TPST2: variants seen among roughly 807,000 people sequenced by gnomAD.
TPST2 encodes the protein tyrosylprotein sulfotransferase 2.
TPST2 carries 16 observed loss-of-function variants against 27.8 expected under a neutral mutation model. The ratio of observed to expected loss-of-function variants is 0.58; its 90% CI spans 0.39 to 0.88. The LOEUF is 0.88. Ranked by LOEUF, TPST2 falls within the 40% of genes least tolerant of loss-of-function variation. The probability of loss-of-function intolerance (pLI) is 0.00; values close to 1 mark genes in which losing one functional copy is unlikely to be tolerated. For synonymous variants in TPST2, 229 were observed against 231.7 expected (o/e 0.99, Z 0.10); for missense variants, 464 against 543.1 (o/e 0.85, Z 1.45).
intron 1 of TPST2, among the ~76,000 whole-genome samples, chr22:26,577,545 T>G (rs1429280089): frequency 6.6e-6 from 1 of 151,710 alleles, no homozygotes; most frequent in Non-Finnish European, 1.5e-5. Context: ...GAGATGGGGT[T>G]TCACCGTGTT....
intron 1 of TPST2, among the ~76,000 whole-genome samples, chr22:26,568,039 C>T (rs1277265729): frequency 6.6e-6 from 1 of 152,200 alleles, no homozygotes; most frequent in Non-Finnish European, 1.5e-5. Context: ...CTCTACAACC[C>T]AGCATTTCTA....
At chr22:26,560,656 A>G (rs1354673398) in intron 1 of TPST2, 6 of 1,303,946 alleles carry the variant, frequency 4.6e-6, no homozygotes, top group Non-Finnish European at 6.7e-6. Flanking sequence ...TTTTCTAAGA[A>G]GTGCTCAGAG....
At chr22:26,574,727 A>G (rs1340380022) in intron 1 of TPST2, among the ~76,000 whole-genome samples, 5 of 152,158 alleles carry the variant, frequency 3.3e-5, no homozygotes, top group Non-Finnish European at 7.4e-5. Flanking sequence ...GCATCCTTGC[A>G]ATGAAGGAGC....
At chr22:26,530,673 G>A (rs1602250021) in intron 5 of TPST2, among the ~76,000 whole-genome samples, 2 of 147,388 alleles carry the variant, frequency 1.4e-5, no homozygotes, top group African/African-American at 5.0e-5. Flanking sequence ...GAAGGGTTCA[G>A]ATCTTTTGAA....
intron 1 of TPST2, among the ~76,000 whole-genome samples, chr22:26,589,684 G>A (rs1441984652): frequency 2.0e-5 from 3 of 152,158 alleles, no homozygotes; most frequent in African/African-American, 4.8e-5. Flanking sequence ...GCGCCTGGGC[G>A]AGGTTGGGGA....
chr22:26,528,421 G>A (rs1924961585), intron 5 of TPST2, among the ~76,000 whole-genome samples, 159 bp from the exon 6 acceptor site: 1 of 152,220 alleles, frequency 6.6e-6, no homozygotes, highest in Non-Finnish European at 1.5e-5. Context: ...ATAGCGTGGT[G>A]AGCGGGACAG....
At chr22:26,528,705 G>A (rs542715241) in intron 5 of TPST2, among the ~76,000 whole-genome samples, 6 of 152,306 alleles carry the variant, frequency 3.9e-5, no homozygotes, top group East Asian at 1.9e-4. Context: ...TATCTTGGCC[G>A]GGCGCCATGG....
intron 5 of TPST2, among the ~76,000 whole-genome samples, chr22:26,528,906 C>T (rs1407702338): frequency 3.3e-5 from 5 of 151,548 alleles, no homozygotes; most frequent in Non-Finnish European, 2.9e-5. Flanking sequence ...CGCTTGAACC[C>T]GGGAGGCAGA....
intron 1 of TPST2, among the ~76,000 whole-genome samples, chr22:26,551,883 CTTTTTTTT>C (rs1163793644): frequency 2.1e-4 from 14 of 66,436 alleles, no homozygotes; most frequent in East Asian, 4.3e-4. Flanking sequence ...TTTTCTTTTT[CTTTTTTTT>C]TTTTTTTTTT....
chr22:26,555,469 C>G (rs1602279766), intron 1 of TPST2: 2 of 351,840 alleles, frequency 5.7e-6, no homozygotes, highest in East Asian at 1.5e-4. Flanking sequence ...GCCTCACTCA[C>G]CTGTTATAAC....
chr22:26,547,297 G>A (rs1293220579), intron 1 of TPST2, among the ~76,000 whole-genome samples: 1 of 151,970 alleles, frequency 6.6e-6, no homozygotes, highest in Non-Finnish European at 1.5e-5. Flanking sequence ...ATGGAGTCCC[G>A]CTATGTTGCC....
rs923478026 is a variant in TPST2, at chr22:26,560,781, A to G, written c.-160-16106T>C. On this transcript the variant is annotated intron_variant, in intron 1 of 6. Coordinates refer to ENST00000338754, the MANE Select transcript of TPST2 (RefSeq NM_003595.5). ...CTATATCCCTCCCAAAGGGGAGACAAAAAAGAAGTTCAAGGATCCGAATGC... is the reference window on the plus strand; with the variant it reads ...CTATATCCCTCCCAAAGGGGAGACAGAAAAGAAGTTCAAGGATCCGAATGC... 7.8e-5 allele frequency: 100 copies of G among 1,286,670 alleles called. No homozygotes were observed. In the Middle Eastern group the frequency reaches 1.1e-3, roughly 14 times the overall value. 79.7% of individuals were successfully genotyped at this position (1,286,670 alleles called of 1,614,324 possible). A position where few individuals can be genotyped will look rare whatever the true frequency, so the allele number is the denominator to read the frequency against.
intron 1 of TPST2, among the ~76,000 whole-genome samples, chr22:26,580,223 G>A (rs1555936154): frequency 1.3e-5 from 2 of 152,094 alleles, no homozygotes; most frequent in Non-Finnish European, 1.5e-5. Context: ...AACAGAGCAA[G>A]ACCATCTCAA....
intron 1 of TPST2, among the ~76,000 whole-genome samples, chr22:26,581,676 T>C (rs539025128): frequency 6.6e-6 from 1 of 152,346 alleles, no homozygotes; most frequent in East Asian, 1.9e-4. Context: ...ATGATAGAAT[T>C]GAGCTAAGAA....
Position 26,541,278 on chromosome 22 carries a change from C to T in TPST2, c.353G>A (p.Arg118His), listed in dbSNP as rs138405672. ...CGCCTCATCCAGCCGCAGCTTCTCA[C>T]GGCCAGACTTGGACCAGGCCTGGCG... ...AMRQAWSKSG[R>H]EKLRLDEAGV... The change falls in exon 3 of 7, where the codon CGT becomes CAT. Residue 118 changes from arginine (R) to histidine (H), a missense_variant. Physicochemically the swap from Arg to His is conservative, Grantham distance 29 (BLOSUM62 0). Coordinates refer to ENST00000338754, the MANE Select transcript of TPST2 (RefSeq NM_003595.5). This position sits in a 1 kb window ranked among gnomAD's most constrained non-coding sequence, Gnocchi z 5.9. 123 of 1,538,422 alleles carry T rather than the reference C, an allele frequency of 8.0e-5. No individual in the cohort carries two copies. The African/African-American group carries it at 1.4e-3, about 17-fold the overall frequency.
At chr22:26,531,946 CAACATGCCAA>C (rs1214880644) in intron 5 of TPST2, among the ~76,000 whole-genome samples, 1 of 152,152 alleles carries the variant, frequency 6.6e-6, no homozygotes, top group East Asian at 1.9e-4. Flanking sequence ...CAAGCTTGGA[CAACATGCCAA>C]AACCCTGTCT....
At chr22:26,558,205 C>A (rs1926906530) in intron 1 of TPST2, among the ~76,000 whole-genome samples, 2 of 151,406 alleles carry the variant, frequency 1.3e-5, no homozygotes, top group South Asian at 4.2e-4. Context: ...ATGGAGCAAT[C>A]ACAGCTCACT....
Position 26,528,257 on chromosome 22 carries a change from G to T in TPST2, c.1098C>A (p.Asn366Lys). 1 of 1,562,860 alleles carries T rather than the reference G, an allele frequency of 6.4e-7. No homozygotes were observed. Among genetic ancestry groups the T allele is most frequent in the Non-Finnish European group, 8.7e-7 (1 of 1,151,860 alleles). Residue 366 changes from asparagine to lysine, a missense_variant, in exon 6 of 7, where the codon AAC (asparagine) becomes AAA (lysine). Transcript: ENST00000338754. Reference protein sequence around the residue: ...PANLKGYFQVNQNSTSSHLGS... With the variant: ...PANLKGYFQVKQNSTSSHLGS... The stretch of plus-strand genomic sequence containing the variant: ...CTAAGTGGGAGGAGGTGCTGTTCTG[G>T]TTCACCTGGAGAAAGACAATACACA...
At chr22:26,587,775 C>A (rs975681576) in intron 1 of TPST2, among the ~76,000 whole-genome samples, 2 of 152,008 alleles carry the variant, frequency 1.3e-5, no homozygotes, top group Non-Finnish European at 2.9e-5. Flanking sequence ...TACAGCTGTT[C>A]TGGAAAAATA....
Sources: allele counts gnomAD v4.1 joint callset (sites outside exome capture counted in the v4.1 genomes callset), GRCh38; gene constraint gnomAD v4.1.1; non-coding constraint Gnocchi (gnomAD v3.1); transcripts MANE v1.5; gene names NCBI Gene and HGNC (gene_info 2026-07-23, HGNC 2026-07-21).